The following LY75 variants were observed in gnomAD, a reference collection of about 807,000 sequenced individuals.
LY75 encodes C-type lectin domain family 13 member B.
LY75 carries 185 observed loss-of-function variants against 231.7 expected under a neutral mutation model. The ratio of observed to expected loss-of-function variants is 0.80; its 90% confidence interval spans 0.71 to 0.90. The LOEUF is 0.90. Ranked by LOEUF, LY75 falls within the 40% of genes least tolerant of loss-of-function variation. The pLI is 0.00. For missense variants in LY75, 1,947 were observed against 2,050.2 expected (o/e 0.95, Z 0.97); for synonymous variants, 668 against 689.0 (o/e 0.97, Z 0.48).
At chr2:159,884,124 A>C (rs2125877732) in intron 6 of LY75, among the ~76,000 whole-genome samples, 1 of 152,264 alleles carries the variant, frequency 6.6e-6, no homozygotes, top group Non-Finnish European at 1.5e-5. Flanking sequence ...TTCCTTCACA[A>C]GCTCTCTTTC....
intron 28 of LY75, among the ~76,000 whole-genome samples, chr2:159,821,163 C>T (rs62175230): frequency 0.55 from 82,906 of 151,052 alleles, 23,028 homozygotes; most frequent in African/African-American, 0.58. Context: ...AAGAAGGATG[C>T]CAAGACAATT....
At position 159,891,084 on chromosome 2, in the gene LY75, G is replaced by C. The variant is rs139423079; in HGVS notation, c.638-707C>G. 1.0e-3 allele frequency among the ~76,000 whole-genome samples: 155 copies of C among 152,224 alleles called. 2 individuals carry two copies. In the East Asian group the frequency reaches 0.024, roughly 23 times the overall value. ...GTTCAAAATATATTCAGAGCCTCCT[G>C]TGTACTCCCCACAAGAGGGGAAGTC... On this transcript the variant is annotated intron_variant, in intron 3 of 34. Coordinates refer to ENST00000263636, the MANE Select transcript of LY75 (RefSeq NM_002349.4).
intron 23 of LY75, among the ~76,000 whole-genome samples, chr2:159,848,867 G>A (rs1386158795): frequency 1.3e-5 from 2 of 152,104 alleles, no homozygotes; most frequent in Non-Finnish European, 2.9e-5. Context: ...TAAGACAGGA[G>A]AATGGAACAA....
intron 31 of LY75, among the ~76,000 whole-genome samples, chr2:159,811,061 G>C (rs1682945024): frequency 6.6e-6 from 1 of 151,838 alleles, no homozygotes; most frequent in Non-Finnish European, 1.5e-5. Flanking sequence ...TTTTAGTAGA[G>C]ACGAAGTTTC....
At chr2:159,897,905 G>A (rs749999809) in intron 2 of LY75, among the ~76,000 whole-genome samples, 12 of 152,090 alleles carry the variant, frequency 7.9e-5, no homozygotes, top group Non-Finnish European at 7.4e-5. Flanking sequence ...TCCATGGTCC[G>A]CTCCCCGCAA....
Position 159,858,514 on chromosome 2 carries a change from G to C in LY75, c.2269-38C>G, listed in dbSNP as rs746149089. On this transcript the variant is annotated intron_variant, in intron 15 of 34. Transcript: ENST00000263636. Reference sequence around the variant, plus strand: ...AAGTATTGCAGAATATTTTGAAGTTGATACATCCCTTATGGAACACTAAAC... The same window carrying C: ...AAGTATTGCAGAATATTTTGAAGTTCATACATCCCTTATGGAACACTAAAC... 3.8e-6 allele frequency: 6 copies of C among 1,585,342 alleles called. No homozygotes were observed. In the Admixed American group the frequency reaches 8.9e-5, roughly 23 times the overall value.
chr2:159,881,672 A>C (rs937886681), intron 7 of LY75, among the ~76,000 whole-genome samples: 2 of 152,176 alleles, frequency 1.3e-5, no homozygotes, highest in African/African-American at 2.4e-5. Flanking sequence ...CTATTCTAGG[A>C]AGAGATCATA....
chr2:159,886,528 T>C lies in LY75; in HGVS notation c.805A>G (p.Lys269Glu). Residue 269 changes from lysine (K) to glutamate (E), a missense_variant and splice_region_variant, in exon 5 of 35, where the codon AAA becomes GAA. Coordinates refer to ENST00000263636, the MANE Select transcript of LY75 (RefSeq NM_002349.4). ...SAAELTYLKE[K>E]EGIAKIFWIG... ...CAGAAAATCTTAGCAATGCCTTCTT[T>C]TTCTGTAAGAATTAAAAAATTTTTA... 1 of 1,596,436 alleles carries C rather than the reference T, an allele frequency of 6.3e-7. No individual in the cohort carries two copies. Among genetic ancestry groups the C allele is most frequent in the Non-Finnish European group, 8.5e-7 (1 of 1,174,066 alleles).
At chr2:159,815,717 T>G in intron 30 of LY75, 144 bp from the exon 31 acceptor site, 1 of 1,008,452 alleles carries the variant, frequency 9.9e-7, no homozygotes, top group South Asian at 1.9e-5. Context: ...CCTACTATTA[T>G]TGTAGGTCTG....
chr2:159,874,608 T>C (rs1354656142), intron 12 of LY75, among the ~76,000 whole-genome samples: 1 of 96,222 alleles, frequency 1.0e-5, no homozygotes, highest in African/African-American at 3.5e-5. Context: ...AATATATATA[T>C]TTTGTAAATA....
Position 159,840,014 on chromosome 2 carries a change from A to AAAAAAAAG in LY75, c.3507+714_3507+715insCTTTTTTT, listed in dbSNP as rs551332613. Among the ~76,000 whole-genome samples the AAAAAAAAG allele has an allele frequency of 2.0e-5, 3 of 149,540 alleles. 1 individual carries two copies. The highest frequency in any genetic ancestry group is 7.4e-5 in the African/African-American group (3 of 40,506). On this transcript the variant is annotated intron_variant, in intron 25 of 34. Transcript: ENST00000263636. ...GAACAAGAACCTGTCTCAAAAAAAA[A>AAAAAAAAG]AAAAAGAAAAAGAAAAAAGAGAAAG...
At chr2:159,825,792 G>C (rs1402401573) in intron 28 of LY75, among the ~76,000 whole-genome samples, 2 of 151,990 alleles carry the variant, frequency 1.3e-5, no homozygotes, top group Non-Finnish European at 2.9e-5. Flanking sequence ...TGGGATGAAA[G>C]ACTGGTTCAA....
chr2:159,856,105 TTAAA>T (rs1391496067), intron 16 of LY75, among the ~76,000 whole-genome samples: 1 of 152,196 alleles, frequency 6.6e-6, no homozygotes, highest in Non-Finnish European at 1.5e-5. Context: ...TGGCTAACCT[TTAAA>T]TATCTTTAAA....
chr2:159,819,620 C>T, intron 29 of LY75, 106 bp downstream of exon 29: 3 of 1,371,284 alleles, frequency 2.2e-6, no homozygotes, highest in Non-Finnish European at 3.0e-6. Flanking sequence ...TCGCACAGGA[C>T]TGAATACAGA....
chr2:159,834,517 C>A (rs766544417), intron 26 of LY75, among the ~76,000 whole-genome samples: 6 of 152,180 alleles, frequency 3.9e-5, no homozygotes, highest in Admixed American at 6.5e-5. Context: ...GGGACCACCC[C>A]TAGAGATGCT....
chr2:159,904,502 G>T, intron 1 of LY75, 87 bp downstream of exon 1: 1 of 1,370,186 alleles, frequency 7.3e-7, no homozygotes, highest in Admixed American at 3.2e-5. Context: ...CTGCCCCAGG[G>T]GCGCAGCCCT....
At chr2:159,862,263 G>A (rs934203096) in intron 14 of LY75, among the ~76,000 whole-genome samples, 6 of 143,788 alleles carry the variant, frequency 4.2e-5, no homozygotes, top group Non-Finnish European at 6.0e-5. Flanking sequence ...CTGCACTCTA[G>A]CCTGGGCGAC....
chr2:159,836,789 C>T (rs10929953), intron 25 of LY75, among the ~76,000 whole-genome samples: 22,365 of 152,180 alleles, frequency 0.15, 1,931 homozygotes, highest in East Asian at 0.31. Context: ...TCCAGTGTGG[C>T]CCTTCGGCCA....
chr2:159,826,124 A>G (rs1683459845), intron 28 of LY75, among the ~76,000 whole-genome samples: 1 of 152,208 alleles, frequency 6.6e-6, no homozygotes, highest in Admixed American at 6.5e-5. Context: ...GGCAAGAGAA[A>G]GAAATGAAGG....
Sources: allele counts gnomAD v4.1 joint callset (sites outside exome capture counted in the v4.1 genomes callset), GRCh38; gene constraint gnomAD v4.1.1; transcripts MANE v1.5; gene names NCBI Gene and HGNC (gene_info 2026-07-23, HGNC 2026-07-21).